Variants in CFAP54 observed in about 807,000 individuals in gnomAD.
CFAP54 encodes cilia- and flagella-associated protein 54.
Under a neutral mutation model 370.4 loss-of-function variants are expected in CFAP54, and 290 were observed. The observed-to-expected ratio is 0.78, with a 90% CI of 0.71 to 0.86. The LOEUF is 0.86. Ranked by LOEUF, CFAP54 falls within the 40% of genes least tolerant of loss-of-function variation. The pLI, the probability that CFAP54 is intolerant of heterozygous loss-of-function variation, is 0.00. For missense variants in CFAP54, 3,399 were observed against 3,528.7 expected, an observed-to-expected ratio of 0.96 and a Z score of 0.93; for synonymous variants, 1,206 against 1,236.5, an observed-to-expected ratio of 0.98 and a Z score of 0.52.
intron 42 of CFAP54, among the ~76,000 whole-genome samples, chr12:96,687,140 C>T (rs1011748255): frequency 1.3e-5 from 2 of 152,142 alleles, no homozygotes; most frequent in African/African-American, 4.8e-5. Flanking sequence ...CTCATATTTT[C>T]TTCCATCTTC....
chr12:96,604,058 C>G lies in CFAP54; in HGVS notation c.3639+5291C>G, dbSNP rs188347456. 1.6e-4 allele frequency among the ~76,000 whole-genome samples: 25 copies of G among 152,214 alleles called. 1 individual carries two copies. In the East Asian group the frequency reaches 3.7e-3, roughly 22 times the overall value. On this transcript the variant is annotated intron_variant, in intron 26 of 67. Transcript: ENST00000524981. ...CGTTCTGTTTTTTGGAATTTTTAGC[C>G]CTTCTGCTCTGGTTTCTCCCCATCT...
rs779693680 is a variant in CFAP54, at chr12:96,554,309, A to G, written c.2282A>G (p.Lys761Arg). The G allele has an allele frequency of 6.6e-7, 1 of 1,510,172 alleles. No individual in the cohort carries two copies. The highest frequency in any genetic ancestry group is 1.3e-5 in the South Asian group (1 of 78,032). The allele number at this position is 1,510,172 out of a possible 1,614,324, so 93.5% of individuals were successfully genotyped here. A position where few individuals can be genotyped will look rare whatever the true frequency, so the allele number is the denominator to read the frequency against. Reference sequence around the variant, plus strand: ...TCAGTAATTGACCACTGCTATGCCAAGGTAAGAATGGAAGAGTCTTAAATT... The same window carrying G: ...TCAGTAATTGACCACTGCTATGCCAGGGTAAGAATGGAAGAGTCTTAAATT... ...GSSVIDHCYA[K>R]RTHHIDGDTY... Residue 761 changes from lysine to arginine, a missense_variant and splice_region_variant, in exon 16 of 68, where the codon AAG becomes AGG. Coordinates refer to ENST00000524981, the MANE Select transcript of CFAP54 (RefSeq NM_001306084.2).
Position 96,535,617 on chromosome 12 carries a change from A to T in CFAP54, c.1791+17A>T. ...GCTCCCCAGGTGAAATAGCTATTTT[A>T]AATAATTTTTATTAGTGTGGAAGGA... On this transcript the variant is annotated intron_variant, in intron 12 of 67. Transcript: ENST00000524981. The T allele has an allele frequency of 6.6e-7, 1 of 1,508,860 alleles. No individual in the cohort carries two copies. The highest frequency in any genetic ancestry group is 1.2e-5 in the South Asian group (1 of 81,522). 93.5% of individuals were successfully genotyped at this position (1,508,860 alleles called of 1,614,324 possible). A position where few individuals can be genotyped will look rare whatever the true frequency, so the allele number is the denominator to read the frequency against.
At chr12:96,518,694 T>C (rs748150954) in intron 5 of CFAP54, among the ~76,000 whole-genome samples, 15 of 151,956 alleles carry the variant, frequency 9.9e-5, no homozygotes, top group Non-Finnish European at 1.8e-4. Flanking sequence ...TAAAAACAAA[T>C]AAACAAACAA....
intron 65 of CFAP54, among the ~76,000 whole-genome samples, chr12:96,818,225 C>T (rs530132960): frequency 6.6e-6 from 1 of 152,286 alleles, no homozygotes; most frequent in South Asian, 2.1e-4. Context: ...TCTTTTTTCA[C>T]TCTAAATCTA....
intron 66 of CFAP54, among the ~76,000 whole-genome samples, chr12:96,841,834 C>T (rs12299073): frequency 0.36 from 54,668 of 152,078 alleles, 10,436 homozygotes; most frequent in Middle Eastern, 0.41. Context: ...TTCTTGGTTC[C>T]GCCACCTATT....
intron 14 of CFAP54, among the ~76,000 whole-genome samples, chr12:96,543,660 A>G (rs1033618968): frequency 6.6e-6 from 1 of 152,126 alleles, no homozygotes; most frequent in Non-Finnish European, 1.5e-5. Context: ...TTCGTTTTCT[A>G]GGGAAGATTT....
At chr12:96,867,487 G>A (rs556807516) in intron 67 of CFAP54, among the ~76,000 whole-genome samples, 1 of 152,108 alleles carries the variant, frequency 6.6e-6, no homozygotes, top group Non-Finnish European at 1.5e-5. Context: ...CAATAGCCAG[G>A]ATATGGAATC....
At chr12:96,630,068 T>G in intron 30 of CFAP54, 25 bp from the exon 31 acceptor site, 1 of 1,273,652 alleles carries the variant, frequency 7.9e-7, no homozygotes, top group Non-Finnish European at 1.1e-6. Flanking sequence ...CAGGTCTTTT[T>G]GACTGACTTT....
At chr12:96,720,287 C>T in intron 49 of CFAP54, 118 bp from the exon 50 acceptor site, 1 of 899,874 alleles carries the variant, frequency 1.1e-6, no homozygotes, top group African/African-American at 1.7e-5. Context: ...TACCAAGTTC[C>T]TTTTTGGTCT....
chr12:96,684,540 T>A, intron 40 of CFAP54, 108 bp from the exon 41 acceptor site: 1 of 817,056 alleles, frequency 1.2e-6, no homozygotes, highest in Non-Finnish European at 2.0e-6. Flanking sequence ...GTTTGCTTAT[T>A]GCAATCTACA....
At chr12:96,538,571 GT>G in intron 13 of CFAP54, 53 bp downstream of exon 13, 1 of 1,511,556 alleles carries the variant, frequency 6.6e-7, no homozygotes, top group Non-Finnish European at 8.9e-7. Context: ...GCTTATTCAA[GT>G]TGCCACACAC....
chr12:96,664,739 CTATATATATATATA>C (rs1433452591), intron 39 of CFAP54, among the ~76,000 whole-genome samples: 3 of 25,830 alleles, frequency 1.2e-4, no homozygotes, highest in South Asian at 1.1e-3. Context: ...ATATATATAT[CTATATATATATATA>C]TCTATATATA....
At chr12:96,795,378 A>G (rs1055917244) in intron 63 of CFAP54, among the ~76,000 whole-genome samples, 3 of 152,038 alleles carry the variant, frequency 2.0e-5, no homozygotes, top group African/African-American at 7.3e-5. Context: ...TGGCTACCAG[A>G]GTGGTATAGA....
Position 96,771,448 on chromosome 12 carries a change from G to C in CFAP54, c.8281+6230G>C, listed in dbSNP as rs189460916. Among the ~76,000 whole-genome samples the C allele has an allele frequency of 7.6e-3, 1,155 of 152,182 alleles. 10 individuals are homozygous for C. Among genetic ancestry groups the C allele is most frequent in the African/African-American group, 0.022 (898 of 41,524 alleles). ...CGGGCGGTTCACGAGGTCAGGAGAT[G>C]GAGACCATCCTGGCTAACACGGTGA... On this transcript the variant is annotated intron_variant, in intron 60 of 67. Transcript: ENST00000524981.
At chr12:96,507,452 A>G (rs1324865371) in intron 4 of CFAP54, among the ~76,000 whole-genome samples, 3 of 151,980 alleles carry the variant, frequency 2.0e-5, no homozygotes, top group Non-Finnish European at 4.4e-5. Context: ...GTCCTCAAAC[A>G]ACTTGGCTTT....
At chr12:96,521,724 A>G (rs1004466902) in intron 6 of CFAP54, 133 bp from the exon 7 acceptor site, 5 of 585,214 alleles carry the variant, frequency 8.5e-6, no homozygotes, top group African/African-American at 5.5e-5. Flanking sequence ...TAGACTGGAT[A>G]AAAGGAGTCA....
intron 58 of CFAP54, among the ~76,000 whole-genome samples, chr12:96,758,881 C>T (rs952945014): frequency 6.6e-6 from 1 of 152,140 alleles, no homozygotes; most frequent in Non-Finnish European, 1.5e-5. Flanking sequence ...GCTGATGCCG[C>T]CGGTCTGTGG....
chr12:96,729,998 C>T (rs1310739162), intron 50 of CFAP54, among the ~76,000 whole-genome samples: 1 of 152,166 alleles, frequency 6.6e-6, no homozygotes. Flanking sequence ...ATGATTGGCA[C>T]ACAGTCGAGT....
Sources: gnomAD v4.1 joint callset for allele counts (sites outside exome capture counted in the v4.1 genomes callset) on GRCh38, gnomAD v4.1.1 for gene constraint, MANE v1.5 for transcripts, NCBI Gene and HGNC (gene_info 2026-07-23, HGNC 2026-07-21) for gene names.